Variants in DIS3L observed in about 807,000 individuals in gnomAD.
DIS3L encodes DIS3 like exosome 3'-5' exoribonuclease.
In DIS3L, 100 loss-of-function variants were observed where a neutral mutation model predicts 120.3. The observed-to-expected ratio is 0.83, with a 90% CI of 0.71 to 0.98. The LOEUF (loss-of-function observed/expected upper bound fraction) is 0.98, where lower values mean the gene tolerates loss of function less well. DIS3L is among the 50% of genes least tolerant of loss of function. DIS3L has a pLI of 0.00. For synonymous variants in DIS3L, 426 were observed against 470.6 expected (o/e 0.91, Z 1.23); for missense variants, 1,196 against 1,314.2 (o/e 0.91, Z 1.39).
At chr15:66,307,659 G>C (rs1489091498) in intron 3 of DIS3L, among the ~76,000 whole-genome samples, 1 of 152,210 alleles carries the variant, frequency 6.6e-6, no homozygotes, top group African/African-American at 2.4e-5. Flanking sequence ...TGAAAAAGCT[G>C]CTTCAGGAAA....
intron 2 of DIS3L, among the ~76,000 whole-genome samples, chr15:66,296,698 AT>A (rs1220855255): frequency 6.6e-6 from 1 of 151,690 alleles, no homozygotes; most frequent in African/African-American, 2.4e-5. Flanking sequence ...TAATTTTTGT[AT>A]TTTTAGTAGA....
intron 2 of DIS3L, among the ~76,000 whole-genome samples, chr15:66,304,064 T>TGG (rs975911918): frequency 8.5e-6 from 1 of 118,010 alleles, no homozygotes; most frequent in Non-Finnish European, 1.6e-5. Context: ...CACTCCAGCC[T>TGG]GGGCAACAGA....
rs535749569 is a variant in DIS3L at position 66,312,209 on chromosome 15, TAAA to T, written c.735+326_735+328del. The stretch of plus-strand genomic sequence containing the variant: ...GGTGACAGTGAGAACCTGTCTCAAT[TAAA>T]AAAAAAAAAAAAAAAAGAATCTGTC... On this transcript the variant is annotated intron_variant, in intron 5 of 16. Transcript: ENST00000319212. Among the ~76,000 whole-genome samples the T allele has an allele frequency of 1.8e-4, 22 of 121,326 alleles. No homozygotes were observed. In the East Asian group the frequency reaches 2.1e-3, roughly 12 times the overall value. The allele number at this position is 121,326 out of a possible 152,430, so 79.6% of individuals were successfully genotyped here.
chr15:66,294,274 A>G (rs2092560024), intron 1 of DIS3L: 1 of 985,454 alleles, frequency 1.0e-6, no homozygotes, highest in African/African-American at 1.7e-5. Flanking sequence ...CTGGAGCGGA[A>G]GGTCACGGGG....
In DIS3L at chr15:66,332,562, T is replaced by C. The variant is rs990739522; in HGVS notation, c.2682-174T>C. Among the ~76,000 whole-genome samples the C allele has an allele frequency of 1.2e-3, 174 of 149,118 alleles. 1 individual carries two copies. Among genetic ancestry groups the C allele is most frequent in the Non-Finnish European group, 2.1e-3 (138 of 66,628 alleles). On this transcript the variant is annotated intron_variant, in intron 15 of 16. Transcript: ENST00000319212. Reference sequence around the variant, plus strand: ...TATATCCATTTTAGGGTCTTTCTTATCCAGCAAAATACTTTGTTTCCATCT... The same window carrying C: ...TATATCCATTTTAGGGTCTTTCTTACCCAGCAAAATACTTTGTTTCCATCT...
chr15:66,309,094 A>AAAAAAAAAAAAAAAAAAAATATATAT, intron 4 of DIS3L, among the ~76,000 whole-genome samples: 5 of 15,312 alleles, frequency 3.3e-4, no homozygotes, highest in Non-Finnish European at 3.6e-4. Context: ...AAAAAAAAAA[A>AAAAAAAAAAAAAAAAAAAATATATAT]ATATATATAT....
chr15:66,293,707 C>T lies in DIS3L; in HGVS notation c.111C>T (p.Leu37=). 3 of 1,346,634 alleles carry T rather than the reference C, an allele frequency of 2.2e-6. No individual in the cohort carries two copies. The highest frequency in any genetic ancestry group is 1.7e-5 in the South Asian group (1 of 59,074). 83.4% of individuals were successfully genotyped at this position (1,346,634 alleles called of 1,614,324 possible). A position where few individuals can be genotyped will look rare whatever the true frequency, so the allele number is the denominator to read the frequency against. The change falls in exon 1 of 17, where the codon CTC becomes CTT. Residue 37 remains leucine, a synonymous_variant. Transcript: ENST00000319212. The part of the protein sequence containing the change: ...LRPCVPCHSP[L]CPQPAACSHD... ...CCTGCGTGCCCTGCCACAGCCCGCT[C>T]TGCCCGCAGCCCGCCGCCTGCAGCC...
chr15:66,308,645 A>G, intron 3 of DIS3L, 64 bp from the exon 4 acceptor site: 1 of 1,549,072 alleles, frequency 6.5e-7, no homozygotes, highest in Non-Finnish European at 8.8e-7. Context: ...CCAGATGTGA[A>G]ATTCTGAACA....
chr15:66,301,544 G>T (rs1188770674), intron 2 of DIS3L, among the ~76,000 whole-genome samples: 1 of 152,104 alleles, frequency 6.6e-6, no homozygotes, highest in African/African-American at 2.4e-5. Context: ...GTCTCCCAAA[G>T]TGCTAGGATT....
At position 66,307,072 on chromosome 15, in the gene DIS3L, A is replaced by G; in HGVS notation, c.422+120A>G. 3 of 1,272,474 alleles carry G rather than the reference A, an allele frequency of 2.4e-6. No homozygotes were observed. In the East Asian group the frequency reaches 7.2e-5, roughly 30 times the overall value. The allele number at this position is 1,272,474 out of a possible 1,614,324, so 78.8% of individuals were successfully genotyped here. ...ACAAACCAACAATTATTCTGGAACC[A>G]TGATTAACACCGAAATGCTTACCAT... On this transcript the variant is annotated intron_variant, in intron 3 of 16. Coordinates refer to ENST00000319212, the MANE Select transcript of DIS3L (RefSeq NM_001143688.3).
In DIS3L at chr15:66,311,610, G is replaced by T. The variant is rs958099289; in HGVS notation, c.559-114G>T. 4.9e-6 allele frequency: 6 copies of T among 1,221,756 alleles called. No homozygotes were observed. The African/African-American group carries it at 9.1e-5, about 18-fold the overall frequency. 75.7% of individuals were successfully genotyped at this position (1,221,756 alleles called of 1,614,324 possible). ...AGGCTCAGGAAGTCCTGCTCACTGA[G>T]CACCCCCTCAAGATGGCAGGCCAGC... On this transcript the variant is annotated intron_variant, in intron 4 of 16. Coordinates refer to ENST00000319212, the MANE Select transcript of DIS3L (RefSeq NM_001143688.3).
At chr15:66,315,238 C>G in intron 7 of DIS3L, 23 bp downstream of exon 7, 1 of 1,560,364 alleles carries the variant, frequency 6.4e-7, no homozygotes, top group South Asian at 1.2e-5. Flanking sequence ...CAGAGCCACT[C>G]CGATGTCCAT....
Position 66,311,783 on chromosome 15 carries a change from C to G in DIS3L, c.618C>G (p.Ile206Met). The part of the protein sequence containing the change: ...LKAAHELCDS[I>M]LQSRRERENE... The stretch of plus-strand genomic sequence containing the variant: ...CTGCCCACGAGCTTTGTGATTCTAT[C>G]CTTCAGTCTCGACGGGAGAGAGAGA... The change falls in exon 5 of 17, where the codon ATC (isoleucine) becomes ATG (methionine). Residue 206 changes from isoleucine to methionine, a missense_variant. Coordinates refer to ENST00000319212, the MANE Select transcript of DIS3L (RefSeq NM_001143688.3). The G allele has an allele frequency of 6.2e-7, 1 of 1,614,160 alleles. No individual in the cohort carries two copies. Among genetic ancestry groups the G allele is most frequent in the Non-Finnish European group, 8.5e-7 (1 of 1,180,018 alleles).
chr15:66,330,616 GC>G, intron 14 of DIS3L: 1 of 923,358 alleles, frequency 1.1e-6, no homozygotes, highest in Non-Finnish European at 1.3e-6. Flanking sequence ...TAGAAATTTG[GC>G]CAGTGTCTCA....
chr15:66,323,551 G>A lies in DIS3L; in HGVS notation c.1633G>A (p.Ala545Thr). 1 of 1,614,252 alleles carries A rather than the reference G, an allele frequency of 6.2e-7. No individual in the cohort carries two copies. ...TGACATGCTGCCTTCCGTCCTCAGT[G>A]CAGATTTGTGTTCCCTTCTGGGAGG... ...RYDMLPSVLS[A>T]DLCSLLGGVD... Residue 545 changes from alanine to threonine, a missense_variant, in exon 11 of 17, where the codon GCA becomes ACA. Coordinates refer to ENST00000319212, the MANE Select transcript of DIS3L (RefSeq NM_001143688.3).
intron 2 of DIS3L, among the ~76,000 whole-genome samples, chr15:66,304,326 G>T (rs1481075376): frequency 6.6e-6 from 1 of 150,536 alleles, no homozygotes; most frequent in Non-Finnish European, 1.5e-5. Flanking sequence ...AGTGGGGTGT[G>T]CCTGTAGTCC....
intron 2 of DIS3L, among the ~76,000 whole-genome samples, chr15:66,303,477 C>A (rs538703869): frequency 4.6e-5 from 7 of 152,270 alleles, no homozygotes; most frequent in African/African-American, 1.7e-4. Flanking sequence ...CCCCAGCAGA[C>A]CTGGCACATA....
rs546953990 is a variant in DIS3L at position 66,324,182 on chromosome 15, ACCTT to A, written c.1667+602_1667+605del. 3.0e-4 allele frequency among the ~76,000 whole-genome samples: 46 copies of A among 152,256 alleles called. 2 individuals carry two copies. In the South Asian group the frequency reaches 9.3e-3, roughly 31 times the overall value. On this transcript the variant is annotated intron_variant, in intron 11 of 16. Coordinates refer to ENST00000319212, the MANE Select transcript of DIS3L (RefSeq NM_001143688.3). ...ATTTTATATATATATACTGTTTAGCACCTTCCTTTTAAAAAAGAACTTAATGGTA... is the reference window on the plus strand; with the variant it reads ...ATTTTATATATATATACTGTTTAGCACCTTTTAAAAAAGAACTTAATGGTA...
chr15:66,328,596 G>A (rs947989179), intron 12 of DIS3L, among the ~76,000 whole-genome samples: 5 of 152,046 alleles, frequency 3.3e-5, no homozygotes, highest in African/African-American at 1.2e-4. Flanking sequence ...ACTAATTTAG[G>A]TTTCTTTTAC....
Sources: gnomAD v4.1 joint callset for allele counts (sites outside exome capture counted in the v4.1 genomes callset) on GRCh38, gnomAD v4.1.1 for gene constraint, MANE v1.5 for transcripts, NCBI Gene and HGNC (gene_info 2026-07-23, HGNC 2026-07-21) for gene names.